CCDC60: variants seen among roughly 807,000 people sequenced by gnomAD.
CCDC60 encodes the protein coiled-coil domain-containing protein 60.
CCDC60 carries 54 observed loss-of-function variants against 63.5 expected under a neutral mutation model. The observed-to-expected ratio is 0.85, with a 90% CI of 0.68 to 1.07. The LOEUF is 1.07. Among genes scored for constraint, CCDC60 ranks in the 50% least tolerant of loss-of-function variants. The pLI is 0.00. For synonymous variants in CCDC60, 206 were observed against 238.8 expected (o/e 0.86, Z 1.27); for missense variants, 651 against 684.3 (o/e 0.95, Z 0.54).
intron 1 of CCDC60, among the ~76,000 whole-genome samples, chr12:119,381,019 G>C (rs974299280): frequency 1.3e-5 from 2 of 152,170 alleles, no homozygotes; most frequent in Non-Finnish European, 2.9e-5. Flanking sequence ...AAGGTGGTTT[G>C]TGAATGACCA....
intron 1 of CCDC60, among the ~76,000 whole-genome samples, chr12:119,393,443 C>T (rs1000549285): frequency 1.3e-5 from 2 of 152,192 alleles, no homozygotes; most frequent in Non-Finnish European, 2.9e-5. Context: ...GTTTTGCTTT[C>T]GCTGCTCCCG....
chr12:119,526,972 C>T (rs1483024567), intron 11 of CCDC60, among the ~76,000 whole-genome samples: 1 of 152,136 alleles, frequency 6.6e-6, no homozygotes, highest in African/African-American at 2.4e-5. Context: ...TGTGAATGTC[C>T]ACTGCAGCAC....
intron 5 of CCDC60, among the ~76,000 whole-genome samples, chr12:119,499,455 A>C (rs1951794999): frequency 6.6e-6 from 1 of 152,266 alleles, no homozygotes; most frequent in Admixed American, 6.5e-5. Flanking sequence ...TAAGTGACTT[A>C]AACTCCCTTA....
In CCDC60 at chr12:119,524,716, C is replaced by CTTTTTTTTTTTT. The variant is rs1416953138; in HGVS notation, c.1229+902_1229+903insTTTTTTTTTTTT. On this transcript the variant is annotated intron_variant, in intron 11 of 13. Coordinates refer to ENST00000327554, the MANE Select transcript of CCDC60 (RefSeq NM_178499.5). ...AGGAAACAGCAGTTTCTTTTCTTTTCTTTTCTTTTTTTTTTTTTTTTTTTG... is the reference window on the plus strand; with the variant it reads ...AGGAAACAGCAGTTTCTTTTCTTTTCTTTTTTTTTTTTTTTTCTTTTTTTTTTTTTTTTTTTG... 6.7e-4 allele frequency among the ~76,000 whole-genome samples: 61 copies of CTTTTTTTTTTTT among 90,558 alleles called. 2 individuals are homozygous for CTTTTTTTTTTTT. Among genetic ancestry groups the CTTTTTTTTTTTT allele is most frequent in the African/African-American group, 2.0e-3 (37 of 18,828 alleles). The allele number at this position is 90,558 out of a possible 152,430, so 59.4% of individuals were successfully genotyped here. A position where few individuals can be genotyped will look rare whatever the true frequency, so the allele number is the denominator to read the frequency against.
At chr12:119,481,837 G>A (rs894292726) in intron 4 of CCDC60, among the ~76,000 whole-genome samples, 2 of 151,696 alleles carry the variant, frequency 1.3e-5, no homozygotes, top group African/African-American at 4.8e-5. Context: ...CTACTTATGA[G>A]TGAGAACACA....
intron 1 of CCDC60, among the ~76,000 whole-genome samples, chr12:119,360,535 C>G (rs539547467): frequency 7.3e-6 from 1 of 137,094 alleles, no homozygotes; most frequent in African/African-American, 2.8e-5. Flanking sequence ...ACTTCTCAGA[C>G]GGGGCGGCCG....
intron 1 of CCDC60, among the ~76,000 whole-genome samples, chr12:119,381,426 A>G (rs975472837): frequency 6.6e-6 from 1 of 152,196 alleles, no homozygotes; most frequent in African/African-American, 2.4e-5. Context: ...TACAAGAGGA[A>G]TTGGAGTCTG....
At chr12:119,341,261 G>A (rs1399675598) in intron 1 of CCDC60, among the ~76,000 whole-genome samples, 3 of 151,824 alleles carry the variant, frequency 2.0e-5, no homozygotes, top group Admixed American at 2.0e-4. Context: ...CTCCTGACAC[G>A]AGAAGAGCGA....
At chr12:119,503,932 A>G (rs16949273) in intron 6 of CCDC60, among the ~76,000 whole-genome samples, 14,229 of 152,186 alleles carry the variant, frequency 0.093, 1,682 homozygotes, top group African/African-American at 0.28. Flanking sequence ...TCTATCCATC[A>G]AGAGCTTTCA....
chr12:119,351,477 C>T (rs1397980217), intron 1 of CCDC60, among the ~76,000 whole-genome samples: 1 of 152,196 alleles, frequency 6.6e-6, no homozygotes, highest in Non-Finnish European at 1.5e-5. Context: ...ATGGCAGCAT[C>T]TACTTCTGGA....
intron 13 of CCDC60, among the ~76,000 whole-genome samples, chr12:119,532,785 T>A (rs1196261827): frequency 6.6e-6 from 1 of 152,218 alleles, no homozygotes; most frequent in Non-Finnish European, 1.5e-5. Context: ...CTATGGTGTA[T>A]ATGTGCAACA....
At chr12:119,474,904 T>G (rs951119275) in intron 3 of CCDC60, among the ~76,000 whole-genome samples, 2 of 152,158 alleles carry the variant, frequency 1.3e-5, no homozygotes, top group Non-Finnish European at 2.9e-5. Context: ...TTCTTGTCTA[T>G]GAGGCCTGGG....
intron 4 of CCDC60, among the ~76,000 whole-genome samples, chr12:119,485,728 T>C (rs1434615477): frequency 6.6e-6 from 1 of 152,172 alleles, no homozygotes; most frequent in Admixed American, 6.5e-5. Flanking sequence ...TCCCATCTCC[T>C]AACACAGTCA....
At chr12:119,505,025 T>C (rs1048460477) in intron 6 of CCDC60, 44 bp from the exon 7 acceptor site, 5 of 1,422,914 alleles carry the variant, frequency 3.5e-6, no homozygotes, top group Non-Finnish European at 4.8e-6. Context: ...TTCCATCTTT[T>C]TCCCCCTCCT....
At chr12:119,540,212 T>C (rs961413102) in intron 13 of CCDC60, among the ~76,000 whole-genome samples, 1 of 152,204 alleles carries the variant, frequency 6.6e-6, no homozygotes. Flanking sequence ...TTGTGTGTCT[T>C]AAACCCTTTC....
chr12:119,508,960 C>T (rs567077324), intron 7 of CCDC60, among the ~76,000 whole-genome samples: 10 of 152,118 alleles, frequency 6.6e-5, no homozygotes, highest in East Asian at 1.9e-4. Context: ...TGAACACTGG[C>T]GCTGGTGGCA....
At chr12:119,396,091 C>T (rs938971183) in intron 1 of CCDC60, among the ~76,000 whole-genome samples, 1 of 152,114 alleles carries the variant, frequency 6.6e-6, no homozygotes, top group Admixed American at 6.5e-5. Flanking sequence ...GCGCCCACCA[C>T]CTCGCCTGGC....
At chr12:119,433,122 A>T (rs1177700849) in intron 2 of CCDC60, among the ~76,000 whole-genome samples, 1 of 150,416 alleles carries the variant, frequency 6.6e-6, no homozygotes, top group Non-Finnish European at 1.5e-5. Context: ...CGTGGAAATC[A>T]GCAAACACTA....
chr12:119,342,227 G>A (rs1422941563), intron 1 of CCDC60, among the ~76,000 whole-genome samples: 1 of 152,162 alleles, frequency 6.6e-6, no homozygotes, highest in East Asian at 1.9e-4. Context: ...TATTCCAGCA[G>A]AAAGAGGAAA....
Sources: allele counts gnomAD v4.1 joint callset (sites outside exome capture counted in the v4.1 genomes callset), GRCh38; gene constraint gnomAD v4.1.1; transcripts MANE v1.5; gene names NCBI Gene and HGNC (gene_info 2026-07-23, HGNC 2026-07-21).